Variants in RALGPS1 observed in about 807,000 individuals in gnomAD.
The protein encoded by RALGPS1 is Ral GEF with PH domain and SH3 binding motif 1.
A neutral mutation model predicts 78.8 loss-of-function variants in RALGPS1; 19 were observed. That is an observed-to-expected ratio of 0.24 (90% confidence interval 0.17 to 0.35). RALGPS1 has a LOEUF of 0.35. Among genes scored for constraint, RALGPS1 ranks in the 10% least tolerant of loss-of-function variants. RALGPS1 has a pLI of 1.00. For missense variants in RALGPS1, 454 were observed against 688.3 expected (o/e 0.66, Z 3.81); for synonymous variants, 228 against 256.3 (o/e 0.89, Z 1.06).
At chr9:127,028,904 G>A (rs1046704061) in intron 4 of RALGPS1, among the ~76,000 whole-genome samples, 1 of 152,048 alleles carries the variant, frequency 6.6e-6, no homozygotes, top group Admixed American at 6.5e-5. Flanking sequence ...ACTACATGCT[G>A]TGGCCTCTTT....
chr9:127,091,633 C>T lies in RALGPS1; in HGVS notation c.610+22277C>T, dbSNP rs1377322670. 6.3e-7 allele frequency: 1 copy of T among 1,597,838 alleles called. No individual in the cohort carries two copies. The highest frequency in any genetic ancestry group is 1.7e-5 in the Admixed American group (1 of 59,418). On this transcript the variant is annotated intron_variant, in intron 8 of 18. Transcript: ENST00000259351. The surrounding 1 kb of genome is among the most constrained non-coding windows in gnomAD (Gnocchi z 4.3). ...CTCTGGCTCTGGTTGACCTCTTTTC[C>T]CTACCCTGCACCTGGGTTTGACTCC... is the stretch of plus-strand genomic sequence containing the variant.
At chr9:127,014,669 G>A (rs1173830973) in intron 4 of RALGPS1, among the ~76,000 whole-genome samples, 1 of 152,072 alleles carries the variant, frequency 6.6e-6, no homozygotes, top group East Asian at 1.9e-4. Flanking sequence ...AATTCGGCTG[G>A]ACACTGCAGG....
chr9:126,981,840 G>T (rs1425701229), intron 4 of RALGPS1, among the ~76,000 whole-genome samples: 3 of 152,158 alleles, frequency 2.0e-5, no homozygotes, highest in Non-Finnish European at 4.4e-5. Flanking sequence ...GTCTCTGTGG[G>T]TGAAGAATCC....
intron 1 of RALGPS1, among the ~76,000 whole-genome samples, chr9:126,950,980 G>A (rs2037759274): frequency 6.6e-6 from 1 of 152,114 alleles, no homozygotes; most frequent in African/African-American, 2.4e-5. Flanking sequence ...AAATGATAAA[G>A]GGGATATCAC....
intron 1 of RALGPS1, among the ~76,000 whole-genome samples, chr9:126,930,742 A>C (rs1480995004): frequency 6.6e-6 from 1 of 152,254 alleles, no homozygotes; most frequent in Non-Finnish European, 1.5e-5. Context: ...TACAGGCGTG[A>C]GCCACTGCTC....
chr9:127,174,797 T>C lies in RALGPS1; in HGVS notation c.910+15T>C, dbSNP rs1286032145. On this transcript the variant is annotated intron_variant, in intron 11 of 18. Transcript: ENST00000259351. Reference sequence around the variant, plus strand: ...AGATCTTGCAGGTATCGTAGCTACCTCGAGTGGGAGCAAACCCACTTAATA... The same window carrying C: ...AGATCTTGCAGGTATCGTAGCTACCCCGAGTGGGAGCAAACCCACTTAATA... The C allele has an allele frequency of 6.2e-7, 1 of 1,612,862 alleles. No individual in the cohort carries two copies. Among genetic ancestry groups the C allele is most frequent in the Non-Finnish European group, 8.5e-7 (1 of 1,179,170 alleles).
At chr9:126,951,614 A>T (rs1266429000) in intron 1 of RALGPS1, among the ~76,000 whole-genome samples, 11 of 152,012 alleles carry the variant, frequency 7.2e-5, no homozygotes, top group Admixed American at 3.3e-4. Flanking sequence ...GACAAAATTC[A>T]ACAACGCTTC....
At chr9:127,184,635 G>A (rs909106491) in intron 11 of RALGPS1, among the ~76,000 whole-genome samples, 8 of 152,238 alleles carry the variant, frequency 5.3e-5, no homozygotes, top group African/African-American at 1.9e-4. Flanking sequence ...TTCACATTAG[G>A]TGAAAGTCAC....
chr9:126,951,816 C>T lies in RALGPS1; in HGVS notation c.-65-10409C>T, dbSNP rs373912030. ...TTCAACATAGTGTTGGAAGTTCTGG[C>T]CAGGGCAATTAGGCAGGAGAAAGAA... On this transcript the variant is annotated intron_variant, in intron 1 of 18. Coordinates refer to ENST00000259351, the MANE Select transcript of RALGPS1 (RefSeq NM_014636.3). 2.8e-3 allele frequency among the ~76,000 whole-genome samples: 419 copies of T among 152,220 alleles called. 3 individuals are homozygous for T. Among genetic ancestry groups the T allele is most frequent in the African/African-American group, 9.5e-3 (394 of 41,512 alleles).
intron 4 of RALGPS1, among the ~76,000 whole-genome samples, chr9:127,018,063 A>G (rs1270975908): frequency 6.6e-6 from 1 of 151,978 alleles, no homozygotes; most frequent in African/African-American, 2.4e-5. Context: ...CTGAAAATAC[A>G]AAAACTTAGC....
chr9:127,144,382 A>G (rs551215752), intron 8 of RALGPS1, among the ~76,000 whole-genome samples: 9 of 152,342 alleles, frequency 5.9e-5, no homozygotes, highest in Admixed American at 2.0e-4. Flanking sequence ...ATGGCATGGT[A>G]GATAACCTTA....
chr9:126,967,103 C>G (rs1008207412), intron 3 of RALGPS1, among the ~76,000 whole-genome samples: 3 of 152,184 alleles, frequency 2.0e-5, no homozygotes, highest in Non-Finnish European at 4.4e-5. Flanking sequence ...TGTCATTGCT[C>G]TGCCATCATT....
intron 7 of RALGPS1, among the ~76,000 whole-genome samples, chr9:127,056,999 C>T (rs1404507379): frequency 6.6e-6 from 1 of 152,118 alleles, no homozygotes; most frequent in Non-Finnish European, 1.5e-5. Flanking sequence ...CCCCAAAGGT[C>T]AGTGCTATGA....
At chr9:127,165,239 C>T (rs2059234539) in intron 8 of RALGPS1, among the ~76,000 whole-genome samples, 1 of 152,256 alleles carries the variant, frequency 6.6e-6, no homozygotes, top group Non-Finnish European at 1.5e-5. Context: ...GCTGAAAGGA[C>T]GTTCCATCCT....
intron 3 of RALGPS1, among the ~76,000 whole-genome samples, chr9:126,966,340 G>A (rs1427372271): frequency 6.6e-6 from 1 of 152,048 alleles, no homozygotes; most frequent in Non-Finnish European, 1.5e-5. Context: ...GCAGCATAGG[G>A]AGACTGCATC....
chr9:127,017,770 T>C (rs916292860), intron 4 of RALGPS1, among the ~76,000 whole-genome samples: 1 of 152,186 alleles, frequency 6.6e-6, no homozygotes, highest in Non-Finnish European at 1.5e-5. Context: ...TTTTCAACTT[T>C]TTTCATTAAG....
chr9:127,191,165 T>C (rs1480031809), intron 11 of RALGPS1, among the ~76,000 whole-genome samples: 2 of 152,218 alleles, frequency 1.3e-5, no homozygotes, highest in African/African-American at 4.8e-5. Flanking sequence ...ACATACCTTC[T>C]CCCAGACTGT....
chr9:126,951,093 A>G (rs915084390), intron 1 of RALGPS1, among the ~76,000 whole-genome samples: 1 of 152,186 alleles, frequency 6.6e-6, no homozygotes, highest in Non-Finnish European at 1.5e-5. Context: ...TCCTCGACAC[A>G]TACACTCTCC....
chr9:127,034,410 A>C, intron 4 of RALGPS1, 21 bp from the exon 5 acceptor site: 1 of 1,607,032 alleles, frequency 6.2e-7, no homozygotes. Context: ...TCACTGTTGA[A>C]ATTCATTCTG....
Sources: allele counts gnomAD v4.1 joint callset (sites outside exome capture counted in the v4.1 genomes callset), GRCh38; gene constraint gnomAD v4.1.1; non-coding constraint Gnocchi (gnomAD v3.1); transcripts MANE v1.5; gene names NCBI Gene and HGNC (gene_info 2026-07-23, HGNC 2026-07-21).